Variants in NELL2 observed in about 807,000 individuals in gnomAD.
NELL2 encodes the protein neural EGFL like 2.
A neutral mutation model predicts 109.6 loss-of-function variants in NELL2; 41 were observed. The ratio of observed to expected loss-of-function variants is 0.37; its 90% CI spans 0.29 to 0.49. NELL2 has a LOEUF of 0.49. NELL2 is among the 20% of genes least tolerant of loss of function. NELL2 has a pLI of 0.98. For missense variants in NELL2, 900 were observed against 1,008.3 expected, an observed-to-expected ratio of 0.89 and a Z score of 1.45; for synonymous variants, 355 against 344.7, an observed-to-expected ratio of 1.03 and a Z score of -0.33.
chr12:44,918,774 T>A (rs191012395), upstream of NELL2, among the ~76,000 whole-genome samples: 12 of 152,334 alleles, frequency 7.9e-5, no homozygotes, highest in East Asian at 2.3e-3. Context: ...TCTATTAATG[T>A]CCTTTGTAAG....
rs374706267 is a variant in NELL2 at position 44,517,004 on chromosome 12, G to A, written c.2400+3001C>T. Among the ~76,000 whole-genome samples the A allele has an allele frequency of 1.1e-4, 16 of 149,120 alleles. No individual in the cohort carries two copies. The East Asian group carries it at 2.9e-3, about 27-fold the overall frequency. On this transcript the variant is annotated intron_variant, in intron 19 of 19. Coordinates refer to ENST00000429094, the MANE Select transcript of NELL2 (RefSeq NM_001145108.2). ...AATTTTAAAAAGTATCTCCCTTCTAGAGTTTTGATAAATATTTAATTATAT... is the reference window on the plus strand; with the variant it reads ...AATTTTAAAAAGTATCTCCCTTCTAAAGTTTTGATAAATATTTAATTATAT...
intron 3 of NELL2, among the ~76,000 whole-genome samples, chr12:44,794,355 T>G (rs1303074605): frequency 1.3e-5 from 2 of 152,164 alleles, no homozygotes; most frequent in Non-Finnish European, 2.9e-5. Context: ...AGGAAAGGGC[T>G]CATGTCTTCC....
At chr12:44,684,149 G>A (rs1038073779) in intron 12 of NELL2, among the ~76,000 whole-genome samples, 1 of 152,220 alleles carries the variant, frequency 6.6e-6, no homozygotes, top group Admixed American at 6.5e-5. Context: ...AGTCTTGGGA[G>A]ACTGCATGTG....
At chr12:44,734,733 A>G (rs963095163) in intron 9 of NELL2, among the ~76,000 whole-genome samples, 1 of 151,800 alleles carries the variant, frequency 6.6e-6, no homozygotes, top group Non-Finnish European at 1.5e-5. Context: ...CCCTACTATA[A>G]TGTTATTGTT....
chr12:44,705,244 A>G (rs1937806349), intron 11 of NELL2, among the ~76,000 whole-genome samples: 1 of 152,156 alleles, frequency 6.6e-6, no homozygotes, highest in South Asian at 2.1e-4. Flanking sequence ...TATTATTGGT[A>G]CAACTTAATA....
At chr12:44,838,183 T>A (rs1944113169) in intron 2 of NELL2, among the ~76,000 whole-genome samples, 1 of 152,208 alleles carries the variant, frequency 6.6e-6, no homozygotes, top group Non-Finnish European at 1.5e-5. Context: ...ATTTAGAAGA[T>A]GCATCATGAA....
chr12:44,585,569 G>A (rs571304230), intron 15 of NELL2, among the ~76,000 whole-genome samples: 1 of 152,174 alleles, frequency 6.6e-6, no homozygotes, highest in South Asian at 2.1e-4. Context: ...CAAATAGAAC[G>A]CTATGTTCTC....
At chr12:44,518,571 C>T (rs547574790) in intron 19 of NELL2, among the ~76,000 whole-genome samples, 1 of 152,150 alleles carries the variant, frequency 6.6e-6, no homozygotes, top group Non-Finnish European at 1.5e-5. Flanking sequence ...CCCCAGAAAA[C>T]AGTCTGAGTT....
chr12:44,566,566 C>CACACAGAG (rs377368706), intron 15 of NELL2, among the ~76,000 whole-genome samples: 14 of 138,516 alleles, frequency 1.0e-4, no homozygotes, highest in African/African-American at 3.1e-4. Context: ...CACACACACA[C>CACACAGAG]AGAGTTTTAT....
chr12:44,815,154 T>C (rs1417257510), intron 3 of NELL2, among the ~76,000 whole-genome samples: 1 of 152,070 alleles, frequency 6.6e-6, no homozygotes, highest in Non-Finnish European at 1.5e-5. Context: ...TTTATGTATA[T>C]GTCAAGTATC....
intron 13 of NELL2, among the ~76,000 whole-genome samples, chr12:44,651,155 C>T (rs908154633): frequency 6.6e-6 from 1 of 152,148 alleles, no homozygotes; most frequent in African/African-American, 2.4e-5. Context: ...ACAGTTTCAT[C>T]CAGAAACCAT....
intron 12 of NELL2, among the ~76,000 whole-genome samples, chr12:44,668,381 C>T (rs1349743039): frequency 1.3e-5 from 2 of 152,152 alleles, no homozygotes; most frequent in Non-Finnish European, 2.9e-5. Context: ...GACCTCAGGA[C>T]TGGCCATGTG....
At chr12:44,918,932 G>C (rs562947443), upstream of NELL2, among the ~76,000 whole-genome samples, 1 of 152,058 alleles carries the variant, frequency 6.6e-6, no homozygotes, top group South Asian at 2.1e-4. Flanking sequence ...TCTTATTGAG[G>C]ATATGATCAC....
upstream of NELL2, chr12:44,876,917 G>C (rs73281085): frequency 1.2e-3 from 1,540 of 1,252,414 alleles, 15 homozygotes; most frequent in African/African-American, 0.021. Context: ...CCCTGCCGGG[G>C]GCGGGGCGCT....
At chr12:44,619,865 C>A (rs1440027390) in intron 13 of NELL2, among the ~76,000 whole-genome samples, 1 of 152,080 alleles carries the variant, frequency 6.6e-6, no homozygotes, top group African/African-American at 2.4e-5. Context: ...CACATCCAAG[C>A]CCCTGTGATT....
intron 9 of NELL2, among the ~76,000 whole-genome samples, chr12:44,726,417 G>C (rs1237640831): frequency 6.6e-6 from 1 of 151,950 alleles, no homozygotes; most frequent in South Asian, 2.1e-4. Flanking sequence ...AATGGGCTTC[G>C]CTTTCTAGTC....
chr12:44,683,348 T>A (rs1162549991), intron 12 of NELL2, among the ~76,000 whole-genome samples: 3 of 144,288 alleles, frequency 2.1e-5, no homozygotes, highest in South Asian at 2.1e-4. Flanking sequence ...CTAGATATAC[T>A]ATCATGTCGT....
intron 2 of NELL2, among the ~76,000 whole-genome samples, chr12:44,873,751 A>C (rs1324666885): frequency 0.012 from 1,844 of 152,140 alleles, 51 homozygotes; most frequent in African/African-American, 0.042. Flanking sequence ...CAACAAAAAA[A>C]AAAAAACAGA....
At chr12:44,642,767 A>G (rs998023056) in intron 13 of NELL2, among the ~76,000 whole-genome samples, 2 of 152,202 alleles carry the variant, frequency 1.3e-5, no homozygotes, top group Non-Finnish European at 2.9e-5. Context: ...CTGTAATCCC[A>G]GCTACTTGGG....
Sources: allele counts gnomAD v4.1 joint callset (sites outside exome capture counted in the v4.1 genomes callset), GRCh38; gene constraint gnomAD v4.1.1; transcripts MANE v1.5; gene names NCBI Gene and HGNC (gene_info 2026-07-23, HGNC 2026-07-21).